Variants in NEMP2 observed in about 807,000 individuals in gnomAD.
NEMP2 encodes UPF0571 transmembrane protein.
In NEMP2, 53 loss-of-function variants were observed where a neutral mutation model predicts 54.2. The observed-to-expected ratio is 0.98, with a 90% CI of 0.78 to 1.23. The LOEUF (loss-of-function observed/expected upper bound fraction) is 1.23, where lower values mean the gene tolerates loss of function less well. Ranked by LOEUF, NEMP2 falls within the 50% of genes most tolerant of loss-of-function variation. The pLI, the probability that NEMP2 is intolerant of heterozygous loss-of-function variation, is 0.00. For missense variants in NEMP2, 455 were observed against 511.3 expected (o/e 0.89, Z 1.06); for synonymous variants, 197 against 190.3 (o/e 1.04, Z -0.29).
chr2:190,576,294 T>C, the NEMP2 span, among the ~76,000 whole-genome samples: 1 of 152,196 alleles, frequency 6.6e-6, no homozygotes, highest in Non-Finnish European at 1.5e-5. Flanking sequence ...GTAATGTTTA[T>C]TGCCGTGGAA....
the NEMP2 span, chr2:190,437,293 G>A: frequency 8.1e-6 from 13 of 1,614,244 alleles, no homozygotes; most frequent in Non-Finnish European, 1.0e-5. The surrounding 1 kb of genome is among the most constrained non-coding windows in gnomAD (Gnocchi z 5.9). Flanking sequence ...GTCCTCTGAG[G>A]AGACACCAAC....
chr2:190,509,717 G>A lies in NEMP2; in HGVS notation c.1131-405C>T, dbSNP rs568796621. ...GAGAAAGCAATAAGGAAAAATTTTG[G>A]GACAGACGTCTTTCTTAGTGAACTT... On this transcript the variant is annotated intron_variant, in intron 8 of 8. Coordinates refer to ENST00000409150, the MANE Select transcript of NEMP2 (RefSeq NM_001142645.2). This position sits in a 1 kb window ranked among gnomAD's most constrained non-coding sequence, Gnocchi z 6.1. Among the ~76,000 whole-genome samples, 1 of 152,298 alleles carries A rather than the reference G, an allele frequency of 6.6e-6. No individual in the cohort carries two copies. Among genetic ancestry groups the A allele is most frequent in the East Asian group, 1.9e-4 (1 of 5,186 alleles).
the NEMP2 span, among the ~76,000 whole-genome samples, chr2:190,591,472 TGC>T: frequency 1.3e-3 from 192 of 152,154 alleles, 4 homozygotes; most frequent in Admixed American, 0.013. This position sits in a 1 kb window ranked among gnomAD's most constrained non-coding sequence, Gnocchi z 5.4. Flanking sequence ...TAGCTTGCTC[TGC>T]GTGTGTGTGC....
chr2:190,430,847 A>AC, the NEMP2 span, among the ~76,000 whole-genome samples: 1,709 of 120,998 alleles, frequency 0.014, 2 homozygotes, highest in Admixed American at 0.02. Context: ...GCGGGGGCTG[A>AC]CCCCCCACCT....
the NEMP2 span, among the ~76,000 whole-genome samples, chr2:190,575,584 T>C: frequency 6.6e-6 from 1 of 152,070 alleles, no homozygotes; most frequent in African/African-American, 2.4e-5. Context: ...CAACTCTGGG[T>C]TTTAAAGGAT....
At chr2:190,591,182 C>T in the NEMP2 span, among the ~76,000 whole-genome samples, 2 of 152,156 alleles carry the variant, frequency 1.3e-5, no homozygotes, top group Non-Finnish European at 2.9e-5. The surrounding 1 kb of genome is among the most constrained non-coding windows in gnomAD (Gnocchi z 5.4). Flanking sequence ...CAGTTGCCAT[C>T]ATACTTAGAG....
At chr2:190,515,230 C>T (rs776943913) in intron 6 of NEMP2, among the ~76,000 whole-genome samples, 27 of 152,126 alleles carry the variant, frequency 1.8e-4, no homozygotes, top group Admixed American at 5.9e-4. Flanking sequence ...GCCTTGAAGT[C>T]TAATTTCCAG....
At chr2:190,606,206 C>T in the NEMP2 span, among the ~76,000 whole-genome samples, 1 of 152,134 alleles carries the variant, frequency 6.6e-6, no homozygotes, top group East Asian at 1.9e-4. Flanking sequence ...CTAGTTACAG[C>T]CCCTCTCCTC....
the NEMP2 span, among the ~76,000 whole-genome samples, chr2:190,486,479 A>C: frequency 6.6e-6 from 1 of 152,296 alleles, no homozygotes; most frequent in African/African-American, 2.4e-5. Context: ...AGAGTCTTCA[A>C]CTTGGCAGTT....
At chr2:190,574,588 A>T in the NEMP2 span, among the ~76,000 whole-genome samples, 1 of 152,152 alleles carries the variant, frequency 6.6e-6, no homozygotes, top group East Asian at 1.9e-4. Context: ...ATCATCTCAA[A>T]AAAAAGCCTA....
At chr2:190,467,810 T>G in the NEMP2 span, among the ~76,000 whole-genome samples, 1 of 152,350 alleles carries the variant, frequency 6.6e-6, no homozygotes, top group African/African-American at 2.4e-5. This position sits in a 1 kb window ranked among gnomAD's most constrained non-coding sequence, Gnocchi z 5.5. Context: ...AGTTTGCATT[T>G]CAGTGTTCAT....
chr2:190,432,296 G>C, the NEMP2 span, among the ~76,000 whole-genome samples: 1 of 152,222 alleles, frequency 6.6e-6, no homozygotes, highest in Admixed American at 6.5e-5. Context: ...AAGTGGGATG[G>C]GGAAAGGGGC....
rs1361320913 is a variant in NEMP2, at chr2:190,522,292, T to C, written c.213+2971A>G. Among the ~76,000 whole-genome samples the C allele has an allele frequency of 6.6e-6, 1 of 152,044 alleles. No homozygotes were observed. Among genetic ancestry groups the C allele is most frequent in the African/African-American group, 2.4e-5 (1 of 41,386 alleles). On this transcript the variant is annotated intron_variant, in intron 2 of 8. Coordinates refer to ENST00000409150, the MANE Select transcript of NEMP2 (RefSeq NM_001142645.2). The surrounding 1 kb of genome is among the most constrained non-coding windows in gnomAD (Gnocchi z 5.0). The stretch of plus-strand genomic sequence containing the variant: ...GGTACTATGGTCACTAGTTGGGGGA[T>C]GGGTTCAGTAGAGCCCAAACCCCAG...
the NEMP2 span, among the ~76,000 whole-genome samples, chr2:190,459,577 G>A: frequency 6.6e-6 from 1 of 152,078 alleles, no homozygotes; most frequent in Non-Finnish European, 1.5e-5. The surrounding 1 kb of genome is among the most constrained non-coding windows in gnomAD (Gnocchi z 5.3). Flanking sequence ...ATTAATCAAG[G>A]TTCTCTTTTG....
chr2:190,523,774 G>A lies in NEMP2; in HGVS notation c.213+1489C>T, dbSNP rs1210715451. Among the ~76,000 whole-genome samples, 3 of 152,184 alleles carry A rather than the reference G, an allele frequency of 2.0e-5. No homozygotes were observed. The highest frequency in any genetic ancestry group is 2.9e-5 in the Non-Finnish European group (2 of 68,028). ...ACTGGCTAAATCTAGGACAATTTGA[G>A]TATCAAAATAAATAATGAGAGTAAT... On this transcript the variant is annotated intron_variant, in intron 2 of 8. Transcript: ENST00000409150. This position sits in a 1 kb window ranked among gnomAD's most constrained non-coding sequence, Gnocchi z 5.3.
chr2:190,485,980 T>A, the NEMP2 span, among the ~76,000 whole-genome samples: 2 of 152,238 alleles, frequency 1.3e-5, no homozygotes, highest in Non-Finnish European at 2.9e-5. The surrounding 1 kb of genome is among the most constrained non-coding windows in gnomAD (Gnocchi z 5.1). Flanking sequence ...TTTTTTATTA[T>A]GCCAGATATT....
the NEMP2 span, among the ~76,000 whole-genome samples, chr2:190,563,931 C>A: frequency 6.6e-6 from 1 of 152,216 alleles, no homozygotes; most frequent in Non-Finnish European, 1.5e-5. The surrounding 1 kb of genome is among the most constrained non-coding windows in gnomAD (Gnocchi z 4.3). Flanking sequence ...ACCTCTGCTA[C>A]TTGTTTATGT....
chr2:190,590,459 A>C, the NEMP2 span, among the ~76,000 whole-genome samples: 1 of 152,196 alleles, frequency 6.6e-6, no homozygotes, highest in Non-Finnish European at 1.5e-5. This position sits in a 1 kb window ranked among gnomAD's most constrained non-coding sequence, Gnocchi z 5.1. Context: ...ATGCTCGTCA[A>C]CTGAGCCATC....
the NEMP2 span, chr2:190,497,767 C>T: frequency 1.9e-6 from 3 of 1,553,748 alleles, no homozygotes; most frequent in Admixed American, 5.4e-5. The surrounding 1 kb of genome is among the most constrained non-coding windows in gnomAD (Gnocchi z 5.2). Context: ...ACTCAAGATA[C>T]CTTAACTGGG....
Sources: allele counts gnomAD v4.1 joint callset (sites outside exome capture counted in the v4.1 genomes callset), GRCh38; gene constraint gnomAD v4.1.1; non-coding constraint Gnocchi (gnomAD v3.1); transcripts MANE v1.5; gene names NCBI Gene and HGNC (gene_info 2026-07-23, HGNC 2026-07-21).